The following ZNF10 variants were observed in gnomAD, a reference collection of about 807,000 sequenced individuals.
ZNF10 encodes the protein zinc finger protein 10, also known as zinc finger protein 10 (KOX 1).
A neutral mutation model predicts 12.2 loss-of-function variants in ZNF10; 8 were observed. The observed-to-expected ratio is 0.66, with a 90% CI of 0.39 to 1.18. ZNF10 has a LOEUF of 1.18. Among genes scored for constraint, ZNF10 ranks in the 50% most tolerant of loss-of-function variants. The pLI, the probability that ZNF10 is intolerant of heterozygous loss-of-function variation, is 0.01. For missense variants in ZNF10, 603 were observed against 678.9 expected, an observed-to-expected ratio of 0.89 and a Z score of 1.24; for synonymous variants, 229 against 228.2, an observed-to-expected ratio of 1.00 and a Z score of -0.03.
Position 133,155,680 on chromosome 12 carries a change from G to A in ZNF10, c.434G>A (p.Arg145Lys), listed in dbSNP as rs1288374225. The change falls in exon 5 of 5, where the codon AGA becomes AAA. Residue 145 changes from arginine (R) to lysine (K), a missense_variant. Arg to Lys is a conservative substitution (Grantham distance 26). Around this residue, in one of 3 missense-constraint regions of ZNF10, gnomAD observed 393 missense variants for 399.7 expected, o/e 0.98. Transcript: ENST00000248211. Reference sequence around the variant, plus strand: ...GACAAGTATCAGGAAAACCCAGAGAGACATTTGAGGCAAGTGGCATTCACC... The same window carrying A: ...GACAAGTATCAGGAAAACCCAGAGAAACATTTGAGGCAAGTGGCATTCACC... ...QLDKYQENPE[R>K]HLRQVAFTQK... 2 of 1,612,538 alleles carry A rather than the reference G, an allele frequency of 1.2e-6. No homozygotes were observed. Among genetic ancestry groups the A allele is most frequent in the Admixed American group, 1.7e-5 (1 of 59,684 alleles).
intron 1 of ZNF10, among the ~76,000 whole-genome samples, chr12:133,142,429 G>A (rs1401069194): frequency 1.1e-4 from 10 of 87,218 alleles, no homozygotes; most frequent in Admixed American, 4.0e-4. Context: ...AAAAAAAAAA[G>A]TGGGAGAAAC....
chr12:133,139,994 A>G (rs1177434282), intron 1 of ZNF10, among the ~76,000 whole-genome samples: 1 of 152,006 alleles, frequency 6.6e-6, no homozygotes, highest in East Asian at 1.9e-4. Context: ...ACTTGAGCCC[A>G]AGACTTTGAA....
intron 2 of ZNF10, among the ~76,000 whole-genome samples, chr12:133,150,428 C>G (rs1352025717): frequency 6.6e-6 from 1 of 152,138 alleles, no homozygotes; most frequent in Non-Finnish European, 1.5e-5. Context: ...TGATGAGAGA[C>G]CCTCAGTCAC....
intron 2 of ZNF10, among the ~76,000 whole-genome samples, chr12:133,145,927 G>A (rs1040435987): frequency 6.6e-6 from 1 of 152,108 alleles, no homozygotes; most frequent in Admixed American, 6.6e-5. Context: ...GCACCTTTCA[G>A]TGGTGTCCCC....
chr12:133,156,481 A>G lies in ZNF10; in HGVS notation c.1235A>G (p.Lys412Arg), dbSNP rs755309447. The change falls in exon 5 of 5, where the codon AAG (lysine) becomes AGG (arginine). Residue 412 changes from lysine to arginine, a missense_variant. Around this residue, in one of 3 missense-constraint regions of ZNF10, gnomAD observed 204 missense variants for 262.8 expected, o/e 0.78. Transcript: ENST00000248211. The part of the protein sequence containing the change: ...VRPYECNECG[K>R]SYSQRSHLVV... The stretch of plus-strand genomic sequence containing the variant: ...CCCTATGAATGCAATGAATGTGGAA[A>G]GTCTTACAGCCAGAGATCTCACCTT... 8 of 1,613,846 alleles carry G rather than the reference A, an allele frequency of 5.0e-6. No individual in the cohort carries two copies. Among genetic ancestry groups the G allele is most frequent in the Non-Finnish European group, 6.8e-6 (8 of 1,179,934 alleles).
At chr12:133,154,195 C>T (rs771732256) in intron 4 of ZNF10, among the ~76,000 whole-genome samples, 1 of 151,998 alleles carries the variant, frequency 6.6e-6, no homozygotes, top group East Asian at 1.9e-4. Context: ...GAAGTGGTAT[C>T]ATCAGTGTAT....
At chr12:133,140,215 A>AG (rs1184138699) in intron 1 of ZNF10, among the ~76,000 whole-genome samples, 7 of 142,956 alleles carry the variant, frequency 4.9e-5, no homozygotes, top group African/African-American at 5.1e-5. Flanking sequence ...AAAAAAAAAA[A>AG]AAAAAAAAAA....
intron 1 of ZNF10, among the ~76,000 whole-genome samples, chr12:133,143,101 A>G (rs1160415461): frequency 1.3e-5 from 2 of 152,364 alleles, no homozygotes; most frequent in African/African-American, 4.8e-5. Flanking sequence ...AAGGGCAAAT[A>G]TTGTATGATT....
chr12:133,146,365 T>G (rs1337126260), intron 2 of ZNF10, among the ~76,000 whole-genome samples: 2 of 152,070 alleles, frequency 1.3e-5, no homozygotes, highest in Non-Finnish European at 2.9e-5. Flanking sequence ...CAGCTCACCC[T>G]CCCTGGGGAA....
intron 1 of ZNF10, among the ~76,000 whole-genome samples, chr12:133,139,404 G>C (rs1955931467): frequency 6.6e-6 from 1 of 152,184 alleles, no homozygotes; most frequent in South Asian, 2.1e-4. Flanking sequence ...GGAAATGTAT[G>C]GTAGTTTGAT....
At chr12:133,152,045 C>A in intron 4 of ZNF10, 141 bp downstream of exon 4, 1 of 615,634 alleles carries the variant, frequency 1.6e-6, no homozygotes, top group African/African-American at 1.9e-5. Context: ...CCTGTTTCCC[C>A]ACTGCCAGTC....
rs1956040394 is a variant in ZNF10, at chr12:133,156,216, A to G, written c.970A>G (p.Lys324Glu). 6 of 1,614,088 alleles carry G rather than the reference A, an allele frequency of 3.7e-6. No homozygotes were observed. The African/African-American group carries it at 8.0e-5, about 22-fold the overall frequency. ...TACTGGTGAGGAACCCTATGAATGT[A>G]AAGAATGTGGAAAATCCTTCAGCTG... ...THTGEEPYEC[K>E]ECGKSFSWFS... The change falls in exon 5 of 5, where the codon AAA becomes GAA. Residue 324 changes from lysine to glutamate, a missense_variant. By Grantham distance (56) the Lys-to-Glu change is moderately conservative. Around this residue, in one of 3 missense-constraint regions of ZNF10, gnomAD observed 393 missense variants for 399.7 expected, o/e 0.98. Coordinates refer to ENST00000248211, the MANE Select transcript of ZNF10 (RefSeq NM_015394.5).
At chr12:133,155,478 CACAA>C (rs1566350715) in intron 4 of ZNF10, 21 bp from the exon 5 acceptor site, 1 of 1,555,312 alleles carries the variant, frequency 6.4e-7, no homozygotes, top group Non-Finnish European at 8.6e-7. Context: ...TGTTTAGTTA[CACAA>C]ACATTTTTCA....
At position 133,157,765 on chromosome 12, in the gene ZNF10, A is replaced by C. The variant is rs894273046; in HGVS notation, c.*797A>C. 6.6e-6 allele frequency: 1 copy of C among 152,122 alleles called. No homozygotes were observed. The highest frequency in any genetic ancestry group is 1.5e-5 in the Non-Finnish European group (1 of 68,032). 9.4% of individuals were successfully genotyped at this position (152,122 alleles called of 1,614,324 possible). ...GTACCACCTGTTAATGAGCTTTCCT[A>C]TTCTAAATTGTTTTGGGTCACAGAG... On this transcript the variant is annotated 3_prime_UTR_variant, in exon 5 of 5. Coordinates refer to ENST00000248211, the MANE Select transcript of ZNF10 (RefSeq NM_015394.5).
Position 133,155,895 on chromosome 12 carries a change from C to A in ZNF10, c.649C>A (p.Gln217Lys). 6.2e-7 allele frequency: 1 copy of A among 1,613,676 alleles called. No homozygotes were observed. The highest frequency in any genetic ancestry group is 1.1e-5 in the South Asian group (1 of 90,974). ...SCASNSNECGQTFCQNIHLIQ... is the reference protein window; with the variant it reads ...SCASNSNECGKTFCQNIHLIQ... ...TGCAAGTAACAGTAATGAATGTGGT[C>A]AAACTTTCTGTCAAAACATTCACCT... The change falls in exon 5 of 5, where the codon CAA (glutamine) becomes AAA (lysine). Residue 217 changes from glutamine (Q) to lysine (K), a missense_variant. Around this residue, in one of 3 missense-constraint regions of ZNF10, gnomAD observed 393 missense variants for 399.7 expected, o/e 0.98. Coordinates refer to ENST00000248211, the MANE Select transcript of ZNF10 (RefSeq NM_015394.5).
intron 1 of ZNF10, among the ~76,000 whole-genome samples, chr12:133,138,029 G>A (rs1216540532): frequency 7.4e-6 from 1 of 135,062 alleles, no homozygotes; most frequent in East Asian, 2.0e-4. Flanking sequence ...ACATTCATTT[G>A]TACCAGGTGG....
intron 1 of ZNF10, among the ~76,000 whole-genome samples, chr12:133,136,490 G>T (rs1320565068): frequency 6.6e-6 from 1 of 152,136 alleles, no homozygotes; most frequent in East Asian, 1.9e-4. Flanking sequence ...TTTATCTGGA[G>T]GTTCTCTGCC....
At chr12:133,140,195 C>T (rs1955935957) in intron 1 of ZNF10, among the ~76,000 whole-genome samples, 1 of 127,544 alleles carries the variant, frequency 7.8e-6, no homozygotes. Context: ...AGAGTAAGAC[C>T]CTGTCTCAAA....
chr12:133,139,945 T>C (rs1267468710), intron 1 of ZNF10, among the ~76,000 whole-genome samples: 10 of 151,942 alleles, frequency 6.6e-5, no homozygotes, highest in African/African-American at 2.4e-4. Context: ...GACCCACACC[T>C]GTAATCCCAG....
Sources: allele counts gnomAD v4.1 joint callset (sites outside exome capture counted in the v4.1 genomes callset), GRCh38; gene constraint gnomAD v4.1.1; regional missense constraint gnomAD v4.1.1; transcripts MANE v1.5; gene names NCBI Gene and HGNC (gene_info 2026-07-23, HGNC 2026-07-21).